The following NKAIN2 variants were observed in gnomAD, a reference collection of about 807,000 sequenced individuals.
NKAIN2 encodes the protein sodium/potassium-transporting ATPase subunit beta-1-interacting protein 2.
A neutral mutation model predicts 32.6 loss-of-function variants in NKAIN2; 14 were observed. That is an observed-to-expected ratio of 0.43 (90% CI 0.28 to 0.67). The LOEUF is 0.67. NKAIN2 is among the 30% of genes least tolerant of loss of function. NKAIN2 has a pLI of 0.17. For synonymous variants in NKAIN2, 80 were observed against 87.2 expected, an observed-to-expected ratio of 0.92 and a Z score of 0.46; for missense variants, 198 against 258.3, an observed-to-expected ratio of 0.77 and a Z score of 1.60.
chr6:124,013,421 T>G (rs2114740883), intron 1 of NKAIN2, among the ~76,000 whole-genome samples: 1 of 152,326 alleles, frequency 6.6e-6, no homozygotes, highest in African/African-American at 2.4e-5. Context: ...CTGTATGTTT[T>G]ACAATTTTAA....
intron 1 of NKAIN2, among the ~76,000 whole-genome samples, chr6:124,097,302 A>G (rs1230041249): frequency 6.6e-6 from 1 of 151,694 alleles, no homozygotes; most frequent in Non-Finnish European, 1.5e-5. Flanking sequence ...CGAGAGGCTG[A>G]ATGAAGCGGG....
At chr6:124,124,395 G>A (rs1169635623) in intron 1 of NKAIN2, among the ~76,000 whole-genome samples, 1 of 152,016 alleles carries the variant, frequency 6.6e-6, no homozygotes, top group African/African-American at 2.4e-5. Context: ...AATTGTTAAT[G>A]GGAACTTGAA....
intron 4 of NKAIN2, among the ~76,000 whole-genome samples, chr6:124,726,792 G>T (rs1398894842): frequency 1.3e-4 from 18 of 139,288 alleles, no homozygotes; most frequent in South Asian, 9.9e-4. Flanking sequence ...CAAAGGCAAA[G>T]AAGTTGAAAA....
intron 4 of NKAIN2, among the ~76,000 whole-genome samples, chr6:124,687,584 A>ACATACATGGT (rs1562324953): frequency 8.9e-5 from 8 of 89,886 alleles, no homozygotes; most frequent in Non-Finnish European, 1.7e-4. Context: ...ATATATTTAT[A>ACATACATGGT]ATATAAATAT....
chr6:124,382,545 C>G (rs1466053244), intron 3 of NKAIN2, among the ~76,000 whole-genome samples: 1 of 152,126 alleles, frequency 6.6e-6, no homozygotes, highest in Non-Finnish European at 1.5e-5. Flanking sequence ...AGTTCCTGTC[C>G]TCTAATTCTC....
At chr6:124,768,799 T>C (rs1455029194) in intron 4 of NKAIN2, among the ~76,000 whole-genome samples, 1 of 152,194 alleles carries the variant, frequency 6.6e-6, no homozygotes, top group Non-Finnish European at 1.5e-5. Flanking sequence ...ATTGGCATCA[T>C]ATATGAAAGA....
intron 4 of NKAIN2, among the ~76,000 whole-genome samples, chr6:124,751,818 A>ATAAATAAG (rs1777735592): frequency 6.8e-6 from 1 of 148,076 alleles, no homozygotes; most frequent in Admixed American, 6.7e-5. Context: ...ATCTCAATAA[A>ATAAATAAG]TAAATAAATA....
chr6:124,820,545 G>A (rs1048576324), intron 6 of NKAIN2, among the ~76,000 whole-genome samples: 2 of 152,112 alleles, frequency 1.3e-5, no homozygotes, highest in African/African-American at 4.8e-5. Context: ...TCATGAAAAG[G>A]CTGTATCAAG....
At chr6:124,043,455 G>C (rs1303884794) in intron 1 of NKAIN2, among the ~76,000 whole-genome samples, 1 of 152,112 alleles carries the variant, frequency 6.6e-6, no homozygotes, top group African/African-American at 2.4e-5. Flanking sequence ...TATGACAGTG[G>C]CTAATCTAAA....
At chr6:124,474,912 C>T (rs9401747) in intron 3 of NKAIN2, among the ~76,000 whole-genome samples, 113,895 of 145,264 alleles carry the variant, frequency 0.78, 44,774 homozygotes, top group East Asian at 0.86. Flanking sequence ...ATATTATATA[C>T]TATATATGTA....
intron 1 of NKAIN2, among the ~76,000 whole-genome samples, chr6:124,170,852 G>A (rs993859342): frequency 1.3e-5 from 2 of 151,846 alleles, no homozygotes; most frequent in Non-Finnish European, 2.9e-5. Flanking sequence ...GGTCTCTTTC[G>A]GTAAACTGAT....
At chr6:124,309,962 T>C (rs1270292318) in intron 2 of NKAIN2, among the ~76,000 whole-genome samples, 2 of 152,142 alleles carry the variant, frequency 1.3e-5, no homozygotes, top group Non-Finnish European at 2.9e-5. Context: ...CCTCAAACAA[T>C]AGTAAAAGAG....
chr6:124,368,109 A>G (rs1028238178), intron 3 of NKAIN2, among the ~76,000 whole-genome samples: 1 of 152,004 alleles, frequency 6.6e-6, no homozygotes, highest in African/African-American at 2.4e-5. Context: ...TCCAAGGTGG[A>G]TCTGACTCCA....
At chr6:124,490,458 T>G (rs967265897) in intron 3 of NKAIN2, 2 of 387,236 alleles carry the variant, frequency 5.2e-6, no homozygotes, top group African/African-American at 4.3e-5. Context: ...GTTCACTGTT[T>G]CCTTGATATC....
chr6:124,286,756 A>C (rs1248499841), intron 2 of NKAIN2, among the ~76,000 whole-genome samples: 1 of 151,380 alleles, frequency 6.6e-6, no homozygotes, highest in Non-Finnish European at 1.5e-5. Context: ...GTCTCCGCTC[A>C]CTGCAAACTC....
intron 2 of NKAIN2, among the ~76,000 whole-genome samples, chr6:124,331,528 CAAA>C (rs764118499): frequency 7.5e-5 from 5 of 66,920 alleles, no homozygotes; most frequent in African/African-American, 1.1e-4. Context: ...GACTCCGTCT[CAAA>C]AAAAAAAAAA....
At chr6:124,246,788 A>G (rs191494150) in intron 1 of NKAIN2, among the ~76,000 whole-genome samples, 1 of 152,046 alleles carries the variant, frequency 6.6e-6, no homozygotes, top group African/African-American at 2.4e-5. Flanking sequence ...TTTTGTGGGG[A>G]TGAGGCACTG....
intron 3 of NKAIN2, among the ~76,000 whole-genome samples, chr6:124,385,065 A>G (rs1045973708): frequency 1.3e-5 from 2 of 152,210 alleles, no homozygotes; most frequent in African/African-American, 4.8e-5. Flanking sequence ...AATTGCAAGA[A>G]TAGATTCCAA....
intron 3 of NKAIN2, among the ~76,000 whole-genome samples, chr6:124,482,962 A>T (rs1285766819): frequency 6.6e-6 from 1 of 152,146 alleles, no homozygotes; most frequent in East Asian, 1.9e-4. Flanking sequence ...CTCTACTAAA[A>T]ATACCAAAAA....
Sources: allele counts gnomAD v4.1 joint callset (sites outside exome capture counted in the v4.1 genomes callset), GRCh38; gene constraint gnomAD v4.1.1; transcripts MANE v1.5; gene names NCBI Gene and HGNC (gene_info 2026-07-23, HGNC 2026-07-21).